Variants in RANBP17 observed in about 807,000 individuals in gnomAD.
RANBP17 encodes RAN binding protein 17.
In RANBP17, 158 loss-of-function variants were observed where a neutral mutation model predicts 141.2. The observed-to-expected ratio is 1.12, with a 90% CI of 0.98 to 1.28. RANBP17 has a LOEUF of 1.28. Among genes scored for constraint, RANBP17 ranks in the 50% most tolerant of loss-of-function variants. RANBP17 has a pLI of 0.00. For synonymous variants in RANBP17, 430 were observed against 450.0 expected (o/e 0.96, Z 0.56); for missense variants, 1,438 against 1,290.7 (o/e 1.11, Z -1.75).
intron 25 of RANBP17, among the ~76,000 whole-genome samples, chr5:171,275,369 A>T (rs187845811): frequency 2.0e-5 from 3 of 152,358 alleles, no homozygotes; most frequent in Admixed American, 2.0e-4. Context: ...TATCCAAGAA[A>T]TAACTGTCAA....
At chr5:170,880,807 C>T (rs760667177) in intron 2 of RANBP17, among the ~76,000 whole-genome samples, 3 of 152,130 alleles carry the variant, frequency 2.0e-5, no homozygotes, top group Admixed American at 6.5e-5. Context: ...TTTCTTATTT[C>T]GATATGATAG....
At chr5:171,225,913 T>C (rs1763852447) in intron 22 of RANBP17, among the ~76,000 whole-genome samples, 1 of 152,218 alleles carries the variant, frequency 6.6e-6, no homozygotes, top group Non-Finnish European at 1.5e-5. Context: ...TCAGCTCCTC[T>C]TGCCGTTACA....
chr5:171,076,524 G>A (rs1405634142), intron 14 of RANBP17, among the ~76,000 whole-genome samples: 1 of 152,166 alleles, frequency 6.6e-6, no homozygotes, highest in Non-Finnish European at 1.5e-5. Flanking sequence ...AAATGAACAA[G>A]GGCTCCTGGG....
chr5:170,937,338 G>A (rs1039640029), intron 12 of RANBP17, among the ~76,000 whole-genome samples: 4 of 152,090 alleles, frequency 2.6e-5, no homozygotes, highest in Admixed American at 2.6e-4. Flanking sequence ...TTTTTACCCA[G>A]TTTGTATTTT....
Position 171,049,907 on chromosome 5 carries a change from C to T in RANBP17, c.1710+81530C>T, listed in dbSNP as rs541297622. On this transcript the variant is annotated intron_variant, in intron 14 of 27. Transcript: ENST00000523189. ...TAGTTTGAAGTCTGGTAATGTGATGCCTCCAGCTTTGTTTCTTTTGCTTAG... is the reference window on the plus strand; with the variant it reads ...TAGTTTGAAGTCTGGTAATGTGATGTCTCCAGCTTTGTTTCTTTTGCTTAG... Among the ~76,000 whole-genome samples, 10 of 152,226 alleles carry T rather than the reference C, an allele frequency of 6.6e-5. No individual in the cohort carries two copies. In the East Asian group the frequency reaches 1.7e-3, roughly 26 times the overall value.
intron 13 of RANBP17, among the ~76,000 whole-genome samples, chr5:170,957,404 A>G (rs1775803811): frequency 6.6e-6 from 1 of 152,168 alleles, no homozygotes; most frequent in African/African-American, 2.4e-5. Flanking sequence ...AATCTTTATT[A>G]TTCCTGGATT....
chr5:170,930,206 T>C (rs1030608107), intron 12 of RANBP17, among the ~76,000 whole-genome samples: 3 of 152,002 alleles, frequency 2.0e-5, no homozygotes, highest in African/African-American at 4.8e-5. Context: ...TTGGATGTTA[T>C]TTGATATTCC....
intron 14 of RANBP17, among the ~76,000 whole-genome samples, chr5:171,115,692 A>G (rs891013020): frequency 6.6e-6 from 1 of 152,224 alleles, no homozygotes; most frequent in Non-Finnish European, 1.5e-5. Flanking sequence ...GATTCCAACA[A>G]GTATCACATT....
chr5:171,109,080 A>T (rs1294454925), intron 14 of RANBP17, among the ~76,000 whole-genome samples: 1 of 152,210 alleles, frequency 6.6e-6, no homozygotes, highest in Non-Finnish European at 1.5e-5. Flanking sequence ...AGCCCATGTG[A>T]TAATGCATGG....
intron 5 of RANBP17, 137 bp downstream of exon 5, chr5:170,896,252 GTATC>G: frequency 1.1e-5 from 7 of 610,944 alleles, no homozygotes; most frequent in Non-Finnish European, 2.0e-5. Context: ...TTTTGTGTGT[GTATC>G]TGTTTTATTG....
At chr5:171,069,004 A>G (rs776437403) in intron 14 of RANBP17, among the ~76,000 whole-genome samples, 1 of 150,540 alleles carries the variant, frequency 6.6e-6, no homozygotes, top group African/African-American at 2.5e-5. Flanking sequence ...TATCCTTGTC[A>G]TGTGTGGTCA....
At chr5:171,054,368 C>T (rs972165254) in intron 14 of RANBP17, among the ~76,000 whole-genome samples, 1 of 152,060 alleles carries the variant, frequency 6.6e-6, no homozygotes, top group South Asian at 2.1e-4. Context: ...ATTGATTATT[C>T]ATTAGTTTTC....
At chr5:171,081,311 A>G (rs75672667) in intron 14 of RANBP17, among the ~76,000 whole-genome samples, 4,079 of 152,254 alleles carry the variant, frequency 0.027, 166 homozygotes, top group African/African-American at 0.092. Flanking sequence ...TAAGAGCTAC[A>G]TCATGGTCAT....
At chr5:171,155,807 A>T (rs1284821961) in intron 14 of RANBP17, among the ~76,000 whole-genome samples, 1 of 152,206 alleles carries the variant, frequency 6.6e-6, no homozygotes, top group African/African-American at 2.4e-5. Flanking sequence ...AACAAAGTTG[A>T]AATTTTGTAA....
Position 171,008,908 on chromosome 5 carries a change from C to T in RANBP17, c.1710+40531C>T, listed in dbSNP as rs148909305. On this transcript the variant is annotated intron_variant, in intron 14 of 27. Coordinates refer to ENST00000523189, the MANE Select transcript of RANBP17 (RefSeq NM_022897.5). ...TCTTTACTGTTACCACATTTGTAAGCGTGTTTTGATGACTATTAAATATAG... is the reference window on the plus strand; with the variant it reads ...TCTTTACTGTTACCACATTTGTAAGTGTGTTTTGATGACTATTAAATATAG... Among the ~76,000 whole-genome samples the T allele has an allele frequency of 3.4e-3, 510 of 152,200 alleles. 2 individuals are homozygous for T. Among genetic ancestry groups the T allele is most frequent in the African/African-American group, 0.011 (441 of 41,528 alleles).
At chr5:171,282,441 GGAA>G (rs1767913175) in intron 25 of RANBP17, among the ~76,000 whole-genome samples, 1 of 151,630 alleles carries the variant, frequency 6.6e-6, no homozygotes, top group Admixed American at 6.6e-5. Context: ...TCCTAGAAAA[GGAA>G]GAAAGCTGCA....
At chr5:171,200,275 T>C (rs1762226678) in intron 19 of RANBP17, among the ~76,000 whole-genome samples, 1 of 152,172 alleles carries the variant, frequency 6.6e-6, no homozygotes, top group Admixed American at 6.5e-5. Context: ...CGGAACAAAG[T>C]GATTAGGATA....
At chr5:170,899,169 A>G (rs557306832) in intron 5 of RANBP17, among the ~76,000 whole-genome samples, 17 of 152,242 alleles carry the variant, frequency 1.1e-4, no homozygotes, top group South Asian at 6.2e-4. Context: ...ATGTTTTTCC[A>G]TTTGTTTGTA....
chr5:171,047,585 C>T (rs1366608780), intron 14 of RANBP17, among the ~76,000 whole-genome samples: 1 of 151,432 alleles, frequency 6.6e-6, no homozygotes, highest in African/African-American at 2.4e-5. Context: ...GGATTACAGG[C>T]GCATGCCACC....
Sources: gnomAD v4.1 joint callset for allele counts (sites outside exome capture counted in the v4.1 genomes callset) on GRCh38, gnomAD v4.1.1 for gene constraint, MANE v1.5 for transcripts, NCBI Gene and HGNC (gene_info 2026-07-23, HGNC 2026-07-21) for gene names.